ALX1: variants seen among roughly 807,000 people sequenced by gnomAD.
ALX1 encodes the protein ALX homeobox protein 1.
A neutral mutation model predicts 31.7 loss-of-function variants in ALX1; 19 were observed. The ratio of observed to expected loss-of-function variants is 0.60; its 90% CI spans 0.42 to 0.88. ALX1 has a LOEUF of 0.88. Among genes scored for constraint, ALX1 ranks in the 40% least tolerant of loss-of-function variants. The pLI is 0.00. For synonymous variants in ALX1, 153 were observed against 148.8 expected (o/e 1.03, Z -0.20); for missense variants, 415 against 407.8 (o/e 1.02, Z -0.15).
Position 85,288,222 on chromosome 12 carries a change from G to A in ALX1, c.660+1241G>A, listed in dbSNP as rs367946900. On this transcript the variant is annotated intron_variant, in intron 3 of 3. Transcript: ENST00000316824. ...ATCATACAAGTGGGTTCCTGCAGGA[G>A]AGACTGTAAAGGTCGCTACGTCTAA... Among the ~76,000 whole-genome samples, 9 of 151,498 alleles carry A rather than the reference G, an allele frequency of 5.9e-5. No homozygotes were observed. In the East Asian group the frequency reaches 1.2e-3, roughly 20 times the overall value.
At chr12:85,280,510 G>A (rs772806072) in intron 1 of ALX1, 23 bp downstream of exon 1, 2 of 1,605,476 alleles carry the variant, frequency 1.2e-6, no homozygotes, top group Admixed American at 1.7e-5. Flanking sequence ...CGCCCCAGCC[G>A]GAGCCGCCGC....
At chr12:85,283,444 A>C in intron 1 of ALX1, 128 bp from the exon 2 acceptor site, 1 of 937,366 alleles carries the variant, frequency 1.1e-6, no homozygotes, top group Non-Finnish European at 1.7e-6. Context: ...TGGTAATTGA[A>C]TTAATACTAG....
At chr12:85,287,130 T>C in intron 3 of ALX1, 149 bp downstream of exon 3, 1 of 923,950 alleles carries the variant, frequency 1.1e-6, no homozygotes. Flanking sequence ...TCTGCTAAGT[T>C]TTAATTTTTC....
intron 3 of ALX1, among the ~76,000 whole-genome samples, chr12:85,290,071 A>G (rs1050023310): frequency 7.3e-5 from 11 of 151,296 alleles, no homozygotes; most frequent in South Asian, 2.1e-4. Flanking sequence ...AAAGCCATAC[A>G]TAGAAATACA....
At chr12:85,296,699 GA>G (rs201530004) in intron 3 of ALX1, among the ~76,000 whole-genome samples, 5 of 148,808 alleles carry the variant, frequency 3.4e-5, no homozygotes, top group African/African-American at 7.4e-5. Flanking sequence ...ACACAACAAA[GA>G]AAAAAAAATA....
At chr12:85,284,063 G>A (rs1050443549) in intron 2 of ALX1, among the ~76,000 whole-genome samples, 187 bp downstream of exon 2, 3 of 151,800 alleles carry the variant, frequency 2.0e-5, no homozygotes, top group African/African-American at 2.4e-5. Flanking sequence ...GACAACTCAC[G>A]CAATATGTAA....
chr12:85,285,304 A>G (rs930610192), intron 2 of ALX1, among the ~76,000 whole-genome samples: 1 of 152,004 alleles, frequency 6.6e-6, no homozygotes, highest in African/African-American at 2.4e-5. Flanking sequence ...TGCTTTGCAC[A>G]TAAGAGTGGT....
intron 1 of ALX1, among the ~76,000 whole-genome samples, chr12:85,281,184 C>T (rs1376050738): frequency 2.6e-5 from 4 of 152,112 alleles, no homozygotes; most frequent in Non-Finnish European, 5.9e-5. Flanking sequence ...TCACTCATTC[C>T]CAGATTCTAC....
intron 1 of ALX1, among the ~76,000 whole-genome samples, chr12:85,280,826 T>C (rs150843768): frequency 3.8e-4 from 58 of 151,430 alleles, no homozygotes; most frequent in African/African-American, 1.3e-3. Flanking sequence ...CGTAATTGAG[T>C]CAAGACAGAA....
At chr12:85,294,814 T>A (rs1896865713) in intron 3 of ALX1, among the ~76,000 whole-genome samples, 1 of 151,122 alleles carries the variant, frequency 6.6e-6, no homozygotes, top group Non-Finnish European at 1.5e-5. Context: ...TCACCTTTCT[T>A]GTTTCAAATC....
intron 3 of ALX1, among the ~76,000 whole-genome samples, chr12:85,296,371 G>GA (rs936292462): frequency 1.5e-4 from 23 of 150,840 alleles, no homozygotes; most frequent in Non-Finnish European, 3.4e-4. Flanking sequence ...TAATTCCTTG[G>GA]AAAAAAATGA....
At position 85,285,050 on chromosome 12, in the gene ALX1, C is replaced by G. The variant is rs139929415; in HGVS notation, c.531+1174C>G. On this transcript the variant is annotated intron_variant, in intron 2 of 3. Transcript: ENST00000316824. ...GAAGTAAATATGTAGAAAGTTCATG[C>G]TAACAAAGAATTTTAGAATTGTCGA... 6.2e-3 allele frequency among the ~76,000 whole-genome samples: 947 copies of G among 152,176 alleles called. 12 individuals carry two copies. The highest frequency in any genetic ancestry group is 0.033 in the Admixed American group (511 of 15,268).
At chr12:85,295,029 A>C (rs1896869086) in intron 3 of ALX1, among the ~76,000 whole-genome samples, 1 of 151,318 alleles carries the variant, frequency 6.6e-6, no homozygotes, top group Admixed American at 6.6e-5. Flanking sequence ...TTTTTTGGTG[A>C]AAATTAGATC....
At chr12:85,288,953 T>C (rs1896783103) in intron 3 of ALX1, among the ~76,000 whole-genome samples, 2 of 151,464 alleles carry the variant, frequency 1.3e-5, no homozygotes, top group Admixed American at 1.3e-4. Flanking sequence ...TTTGAACTAC[T>C]TGACTGTGGT....
Position 85,280,294 on chromosome 12 carries a change from G to A in ALX1, c.33G>A (p.Lys11=). The A allele has an allele frequency of 6.2e-7, 1 of 1,613,486 alleles. No homozygotes were observed. Among genetic ancestry groups the A allele is most frequent in the Non-Finnish European group, 8.5e-7 (1 of 1,179,954 alleles). ...TTCTGAGCGAGAAGTTTGCCCTCAA[G>A]AGCCCTCCGAGTAAAAACAGTGACT... MEFLSEKFAL[K]SPPSKNSDFY... is the part of the protein sequence containing the mutation. Residue 11 remains lysine (K), a synonymous_variant, in exon 1 of 4, where the codon AAG becomes AAA. Transcript: ENST00000316824.
At chr12:85,285,539 G>A (rs1215994387) in intron 2 of ALX1, among the ~76,000 whole-genome samples, 2 of 151,986 alleles carry the variant, frequency 1.3e-5, no homozygotes, top group East Asian at 1.9e-4. Flanking sequence ...TGAACATGTA[G>A]CTCTCTGGCT....
intron 3 of ALX1, among the ~76,000 whole-genome samples, chr12:85,293,273 A>C (rs1232303449): frequency 6.7e-6 from 1 of 150,094 alleles, no homozygotes; most frequent in Non-Finnish European, 1.5e-5. Context: ...GTGTATATAT[A>C]TATATAAGTT....
chr12:85,283,653 G>T lies in ALX1; in HGVS notation c.308G>T (p.Arg103Leu). ...NRAMDNCNSL[R>L]MSPVKGMQEK... ...GCTATGGACAACTGTAACAGTCTCC[G>T]AATGTCTCCCGTGAAAGGGATGCAA... The change falls in exon 2 of 4, where the codon CGA (arginine) becomes CTA (leucine). Residue 103 changes from arginine to leucine, a missense_variant. By Grantham distance (102) the Arg-to-Leu change is moderately radical. This residue lies in a region of ALX1 where 235 missense variants were observed against 208.9 expected (regional missense o/e 1.13). Coordinates refer to ENST00000316824, the MANE Select transcript of ALX1 (RefSeq NM_006982.3). 2 of 1,614,106 alleles carry T rather than the reference G, an allele frequency of 1.2e-6. No individual in the cohort carries two copies. The highest frequency in any genetic ancestry group is 8.5e-7 in the Non-Finnish European group (1 of 1,180,008).
At chr12:85,292,043 A>G (rs967323876) in intron 3 of ALX1, among the ~76,000 whole-genome samples, 2 of 151,158 alleles carry the variant, frequency 1.3e-5, no homozygotes, top group Non-Finnish European at 3.0e-5. Context: ...CAAATTACTT[A>G]GGGCATTGCC....
Sources: allele counts gnomAD v4.1 joint callset (sites outside exome capture counted in the v4.1 genomes callset), GRCh38; gene constraint gnomAD v4.1.1; regional missense constraint gnomAD v4.1.1; transcripts MANE v1.5; gene names NCBI Gene and HGNC (gene_info 2026-07-23, HGNC 2026-07-21).